The following BRD10 variants were observed in gnomAD, a reference collection of about 807,000 sequenced individuals.
BRD10 encodes bromodomain containing 10, also known as uncharacterized bromodomain-containing protein 10.
the BRD10 span, among the ~76,000 whole-genome samples, chr9:5,935,736 A>G: frequency 6.6e-6 from 1 of 152,336 alleles, no homozygotes; most frequent in East Asian, 1.9e-4. Context: ...TAAGACGGGA[A>G]ATATTTGAAA....
chr9:5,907,264 C>G, the BRD10 span: 8 of 236,396 alleles, frequency 3.4e-5, no homozygotes, highest in African/African-American at 6.8e-5. Context: ...ATAATGAGAG[C>G]CCTACATGTA....
At chr9:5,969,837 T>G in the BRD10 span, among the ~76,000 whole-genome samples, 1 of 152,186 alleles carries the variant, frequency 6.6e-6, no homozygotes, top group Non-Finnish European at 1.5e-5. Context: ...TGAGCTACTG[T>G]GCCCAGCCTG....
At chr9:5,906,769 G>A in the BRD10 span, 3 of 619,244 alleles carry the variant, frequency 4.8e-6, no homozygotes, top group Non-Finnish European at 5.6e-6. Context: ...CACACAGCAA[G>A]TAAGTGGCAG....
the BRD10 span, chr9:5,968,676 T>C: frequency 1.9e-6 from 3 of 1,613,746 alleles, no homozygotes; most frequent in South Asian, 2.2e-5. Flanking sequence ...CCATTACTTG[T>C]ACTAACATAG....
At chr9:5,967,933 CTCAA>C in the BRD10 span, 96 of 825,374 alleles carry the variant, frequency 1.2e-4, no homozygotes, top group Middle Eastern at 7.4e-4. Flanking sequence ...ATTTTACTCT[CTCAA>C]TCAAAGCATC....
chr9:5,922,653 T>C, the BRD10 span: 3 of 1,613,872 alleles, frequency 1.9e-6, no homozygotes, highest in South Asian at 2.2e-5. Flanking sequence ...TTTCCTTCTT[T>C]ATGCTGAATC....
the BRD10 span, among the ~76,000 whole-genome samples, chr9:5,916,174 A>G: frequency 1.3e-5 from 2 of 152,338 alleles, no homozygotes; most frequent in Admixed American, 1.3e-4. Context: ...TGATGGCAAA[A>G]CTACTTCTGG....
At chr9:5,920,814 G>C in the BRD10 span, 1 of 1,613,968 alleles carries the variant, frequency 6.2e-7, no homozygotes. Context: ...ACTACTGGTT[G>C]TGTAGTTGAA....
chr9:5,922,872 G>A, the BRD10 span: 4 of 1,613,970 alleles, frequency 2.5e-6, no homozygotes, highest in South Asian at 3.3e-5. Flanking sequence ...GCTTCCGGAG[G>A]AGATAAAACT....
chr9:5,984,502 A>G, the BRD10 span, among the ~76,000 whole-genome samples: 1 of 152,196 alleles, frequency 6.6e-6, no homozygotes, highest in East Asian at 1.9e-4. Context: ...AATATTAAAG[A>G]ATGTAAGCAA....
the BRD10 span, chr9:5,892,468 C>G: frequency 6.2e-7 from 1 of 1,612,578 alleles, no homozygotes; most frequent in Non-Finnish European, 8.5e-7. Flanking sequence ...TGCCCTGACC[C>G]TACAAGATGC....
chr9:5,900,402 G>A, the BRD10 span, among the ~76,000 whole-genome samples: 3 of 152,122 alleles, frequency 2.0e-5, no homozygotes, highest in South Asian at 2.1e-4. Context: ...ATCTTATTTT[G>A]AGATTTTCAT....
chr9:5,918,898 G>A, the BRD10 span: 1 of 151,468 alleles, frequency 6.6e-6, no homozygotes, highest in Non-Finnish European at 1.5e-5. Context: ...CCATGTACAA[G>A]TGCTAGCTCT....
At chr9:5,948,805 A>C in the BRD10 span, among the ~76,000 whole-genome samples, 1 of 152,162 alleles carries the variant, frequency 6.6e-6, no homozygotes, top group Non-Finnish European at 1.5e-5. Context: ...TATAAAAATA[A>C]TAAGTGAAAT....
At chr9:5,954,534 A>C in the BRD10 span, among the ~76,000 whole-genome samples, 1 of 152,216 alleles carries the variant, frequency 6.6e-6, no homozygotes, top group Non-Finnish European at 1.5e-5. Context: ...GCCTAATGTG[A>C]AAATCCCCTT....
the BRD10 span, chr9:5,924,795 T>G: frequency 6.4e-7 from 1 of 1,568,412 alleles, no homozygotes; most frequent in Non-Finnish European, 8.7e-7. Flanking sequence ...ATTAAATGTA[T>G]CATGATCAGG....
chr9:5,974,249 A>G, the BRD10 span, among the ~76,000 whole-genome samples: 21 of 152,330 alleles, frequency 1.4e-4, no homozygotes, highest in South Asian at 1.0e-3. Flanking sequence ...CTGAATTAAT[A>G]TAACTGTCAA....
chr9:5,975,143 C>G, the BRD10 span, among the ~76,000 whole-genome samples: 3 of 151,962 alleles, frequency 2.0e-5, no homozygotes, highest in Non-Finnish European at 4.4e-5. Context: ...CATATTAGAA[C>G]TAGCAATAAG....
chr9:5,904,375 G>T, the BRD10 span, among the ~76,000 whole-genome samples: 1 of 151,498 alleles, frequency 6.6e-6, no homozygotes, highest in East Asian at 1.9e-4. Flanking sequence ...TCTGTTCTTT[G>T]TTTCTATTTT....
Sources: gnomAD v4.1 joint callset for allele counts (sites outside exome capture counted in the v4.1 genomes callset) on GRCh38, gnomAD v4.1.1 for gene constraint, MANE v1.5 for transcripts, NCBI Gene and HGNC (gene_info 2026-07-23, HGNC 2026-07-21) for gene names.